The following KIR2DL1 variants were observed in gnomAD, a reference collection of about 807,000 sequenced individuals.
The protein encoded by KIR2DL1 is killer cell immunoglobulin like receptor, two Ig domains and long cytoplasmic tail 1.
Under a neutral mutation model 33.9 loss-of-function variants are expected in KIR2DL1, and 38 were observed. The observed-to-expected ratio is 1.12, with a 90% CI of 0.86 to 1.47. KIR2DL1 has a LOEUF of 1.47. Ranked by LOEUF, KIR2DL1 falls within the 40% of genes most tolerant of loss-of-function variation. The probability of loss-of-function intolerance (pLI) is 0.00; values close to 1 mark genes in which losing one functional copy is unlikely to be tolerated. For synonymous variants in KIR2DL1, 179 were observed against 165.9 expected, an observed-to-expected ratio of 1.08 and a Z score of -0.61; for missense variants, 531 against 433.9, an observed-to-expected ratio of 1.22 and a Z score of -1.99.
At chr19:54,773,716 G>C in intron 3 of KIR2DL1, 84 bp downstream of exon 3, 2 of 1,378,822 alleles carry the variant, frequency 1.5e-6, no homozygotes, top group South Asian at 2.4e-5. Context: ...TGGCTGTAAG[G>C]AAGATGAGCT....
rs1460615978 is a variant in KIR2DL1 at position 54,772,684 on chromosome 19, C to T, written c.71-649C>T. 1.3e-4 allele frequency among the ~76,000 whole-genome samples: 18 copies of T among 143,746 alleles called. No homozygotes were observed. The East Asian group carries it at 2.4e-3, about 19-fold the overall frequency. The allele number at this position is 143,746 out of a possible 152,430, so 94.3% of individuals were successfully genotyped here. On this transcript the variant is annotated intron_variant, in intron 2 of 7. Coordinates refer to ENST00000336077, the MANE Select transcript of KIR2DL1 (RefSeq NM_014218.3). ...CCACACCACTTCACTCCAGCCTGGGCAAAGGAGTGAGACTCTGTCGCCAAA... is the reference window on the plus strand; with the variant it reads ...CCACACCACTTCACTCCAGCCTGGGTAAAGGAGTGAGACTCTGTCGCCAAA...
At chr19:54,777,862 G>A (rs2076526503) in intron 4 of KIR2DL1, among the ~76,000 whole-genome samples, 2 of 147,868 alleles carry the variant, frequency 1.4e-5, no homozygotes, top group Admixed American at 6.9e-5. Flanking sequence ...GTGACAGGTA[G>A]AGTTGCAGTT....
intron 4 of KIR2DL1, among the ~76,000 whole-genome samples, chr19:54,777,798 G>T (rs923091619): frequency 1.3e-5 from 2 of 148,604 alleles, no homozygotes; most frequent in Non-Finnish European, 3.0e-5. Flanking sequence ...TGTTTCATAG[G>T]TTCAGGCCTT....
At chr19:54,779,775 G>A (rs1288944331) in intron 5 of KIR2DL1, among the ~76,000 whole-genome samples, 1 of 148,906 alleles carries the variant, frequency 6.7e-6, no homozygotes, top group African/African-American at 2.5e-5. Flanking sequence ...AGATGCATTT[G>A]GCCTCTGCCC....
rs1419057968 is a variant in KIR2DL1 at position 54,783,703 on chromosome 19, A to AGAAAAATCACTCGCCCCTC, written c.953_954insCTCGAAAAATCACTCGCCC (p.Gln320LysfsTer26). 6.2e-7 allele frequency: 1 copy of AGAAAAATCACTCGCCCCTC among 1,613,946 alleles called. No individual in the cohort carries two copies. Among genetic ancestry groups the AGAAAAATCACTCGCCCCTC allele is most frequent in the Non-Finnish European group, 8.5e-7 (1 of 1,179,980 alleles). ...GTTGAATCACTGCGTTTTCACACAG[A>AGAAAAATCACTCGCCCCTC]GAAAAATCACTCGCCCTTCTCAGAG... On this transcript the variant is annotated frameshift_variant, in exon 8 of 8. Coordinates refer to ENST00000336077, the MANE Select transcript of KIR2DL1 (RefSeq NM_014218.3). LOFTEE classifies it low-confidence loss of function (END_TRUNC).
chr19:54,779,507 G>A (rs611851), intron 5 of KIR2DL1, among the ~76,000 whole-genome samples: 35,605 of 123,528 alleles, frequency 0.29, 4,512 homozygotes, highest in South Asian at 0.42. Flanking sequence ...CTTTCTCTGA[G>A]TGCTGCTCTC....
chr19:54,780,590 G>C (rs200877066), intron 5 of KIR2DL1, among the ~76,000 whole-genome samples: 1,614 of 131,402 alleles, frequency 0.012, no homozygotes, highest in South Asian at 0.019. Context: ...AAATAAGGGA[G>C]GCCCAGGTGC....
At chr19:54,771,580 C>A (rs1326022309) in intron 2 of KIR2DL1, among the ~76,000 whole-genome samples, 1 of 147,442 alleles carries the variant, frequency 6.8e-6, no homozygotes, top group Non-Finnish European at 1.5e-5. Flanking sequence ...TCCACATCCT[C>A]CTCTCTAAGG....
chr19:54,773,795 C>A (rs1398387620), intron 3 of KIR2DL1, among the ~76,000 whole-genome samples, 163 bp downstream of exon 3: 1 of 147,860 alleles, frequency 6.8e-6, no homozygotes, highest in South Asian at 2.1e-4. Flanking sequence ...ACAGGAGACA[C>A]AAGTAGAGAC....
At chr19:54,778,207 C>T (rs78941174) in intron 4 of KIR2DL1, among the ~76,000 whole-genome samples, 16,172 of 109,356 alleles carry the variant, frequency 0.15, 62 homozygotes, top group South Asian at 0.21. Flanking sequence ...TGCAGTGAAC[C>T]GAGATTGCAC....
In KIR2DL1 at chr19:54,783,482, A is replaced by G. The variant is rs2147675359; in HGVS notation, c.818-4A>G. The G allele has an allele frequency of 1.2e-6, 2 of 1,613,230 alleles. No individual in the cohort carries two copies. The highest frequency in any genetic ancestry group is 1.6e-4 in the Middle Eastern group (1 of 6,062). On this transcript the variant is annotated splice_polypyrimidine_tract_variant and splice_region_variant and intron_variant, in intron 6 of 7. Coordinates refer to ENST00000336077, the MANE Select transcript of KIR2DL1 (RefSeq NM_014218.3). Reference sequence around the variant, plus strand: ...GCTGTTTTGTTGACTTCCATCTTCTACAGATGCTGCGGTAATGGACCAAGA... The same window carrying G: ...GCTGTTTTGTTGACTTCCATCTTCTGCAGATGCTGCGGTAATGGACCAAGA...
At position 54,777,193 on chromosome 19, in the gene KIR2DL1, C is replaced by T. The variant is rs575941210; in HGVS notation, c.665-1419C>T. 8.8e-4 allele frequency among the ~76,000 whole-genome samples: 131 copies of T among 149,506 alleles called. 2 individuals carry two copies. The highest frequency in any genetic ancestry group is 2.9e-3 in the African/African-American group (117 of 40,584). On this transcript the variant is annotated intron_variant, in intron 4 of 7. Coordinates refer to ENST00000336077, the MANE Select transcript of KIR2DL1 (RefSeq NM_014218.3). ...ACAACCTCCACCTCCCAGGTTCAAG[C>T]GATTCTCCTGCCTCAGCCTCCCGAG...
In KIR2DL1 at chr19:54,783,823, T is replaced by G; in HGVS notation, c.*10T>G. The G allele has an allele frequency of 6.2e-7, 1 of 1,613,932 alleles. No homozygotes were observed. Among genetic ancestry groups the G allele is most frequent in the South Asian group, 1.1e-5 (1 of 91,074 alleles). ...TGTCTCCTGCCCATGAGCACCACAG[T>G]CAGGCCTTGAGGGCGTCTTCTAGGG... On this transcript the variant is annotated 3_prime_UTR_variant, in exon 8 of 8. Transcript: ENST00000336077.
In KIR2DL1 at chr19:54,775,290, G is replaced by A. The variant is rs774090594; in HGVS notation, c.496G>A (p.Ala166Thr). The change falls in exon 4 of 8, where the codon GCC becomes ACC. Residue 166 changes from alanine to threonine, a missense_variant. Physicochemically the swap from Ala to Thr is moderately conservative, Grantham distance 58 (BLOSUM62 0). Coordinates refer to ENST00000336077, the MANE Select transcript of KIR2DL1 (RefSeq NM_014218.3). ...GTACCATCTATCCAGGGAAGGGGAG[G>A]CCCATGAACGTAGGCTCCCTGCAGG... ...DMYHLSREGEAHERRLPAGPK... is the reference protein window; with the variant it reads ...DMYHLSREGETHERRLPAGPK... 2.5e-6 allele frequency: 4 copies of A among 1,602,406 alleles called. No individual in the cohort carries two copies. Among genetic ancestry groups the A allele is most frequent in the Non-Finnish European group, 2.6e-6 (3 of 1,171,478 alleles).
chr19:54,783,033 A>C lies in KIR2DL1; in HGVS notation c.817+10A>C. The C allele has an allele frequency of 4.3e-6, 7 of 1,612,174 alleles. 1 individual carries two copies. In the South Asian group the frequency reaches 7.7e-5, roughly 18 times the overall value. ...TGCTCCAACAAAAAAAGTAAGTCTC[A>C]CGAAGCAGAGGCCAGAGAGCTCAGG... On this transcript the variant is annotated intron_variant, in intron 6 of 7. Transcript: ENST00000336077.
At chr19:54,778,810 G>A in intron 5 of KIR2DL1, 148 bp downstream of exon 5, 3 of 1,077,514 alleles carry the variant, frequency 2.8e-6, no homozygotes, top group Non-Finnish European at 4.2e-6. Flanking sequence ...ACAGCGAAAG[G>A]GATCTGGGCC....
chr19:54,783,652 G>T lies in KIR2DL1; in HGVS notation c.886G>T (p.Asp296Tyr). 6.2e-7 allele frequency: 1 copy of T among 1,613,966 alleles called. No homozygotes were observed. The highest frequency in any genetic ancestry group is 8.5e-7 in the Non-Finnish European group (1 of 1,179,952). ...TANSEDSDEQ[D>Y]PQEVTYTQLN... ...CTCTCTCCAGGACTCTGATGAACAA[G>T]ACCCTCAGGAGGTGACATACACACA... The change falls in exon 8 of 8, where the codon GAC (aspartate) becomes TAC (tyrosine). Residue 296 changes from aspartate to tyrosine, a missense_variant. Coordinates refer to ENST00000336077, the MANE Select transcript of KIR2DL1 (RefSeq NM_014218.3).
At chr19:54,780,031 T>A in intron 5 of KIR2DL1, 1 of 438,924 alleles carries the variant, frequency 2.3e-6, no homozygotes, top group East Asian at 3.3e-5. Context: ...CTCGAGTAGC[T>A]GGGATTACAG....
intron 5 of KIR2DL1, among the ~76,000 whole-genome samples, chr19:54,782,220 C>A (rs1242790350): frequency 6.6e-6 from 1 of 151,882 alleles, no homozygotes; most frequent in Non-Finnish European, 1.5e-5. Flanking sequence ...TGACGTCCTC[C>A]AGGAAGAACA....
Sources: gnomAD v4.1 joint callset for allele counts (sites outside exome capture counted in the v4.1 genomes callset) on GRCh38, gnomAD v4.1.1 for gene constraint, MANE v1.5 for transcripts, NCBI Gene and HGNC (gene_info 2026-07-23, HGNC 2026-07-21) for gene names.